The following PTPRO variants were observed in gnomAD, a reference collection of about 807,000 sequenced individuals.
PTPRO encodes the protein receptor-type tyrosine-protein phosphatase O.
In PTPRO, 62 loss-of-function variants were observed where a neutral mutation model predicts 145.2. That is an observed-to-expected ratio of 0.43 (90% CI 0.35 to 0.53). The LOEUF (loss-of-function observed/expected upper bound fraction) is 0.53. Among genes scored for constraint, PTPRO ranks in the 20% least tolerant of loss-of-function variants. The pLI is 0.01. For synonymous variants in PTPRO, 565 were observed against 514.7 expected (o/e 1.10, Z -1.32); for missense variants, 1,345 against 1,482.7 (o/e 0.91, Z 1.53).
At chr12:15,517,534 C>G (rs1942625359) in intron 9 of PTPRO, among the ~76,000 whole-genome samples, 1 of 152,158 alleles carries the variant, frequency 6.6e-6, no homozygotes, top group South Asian at 2.1e-4. Context: ...AGTGCACAGT[C>G]AAAAGTTTCA....
chr12:15,581,842 A>T, intron 23 of PTPRO, 41 bp downstream of exon 23: 1 of 1,612,568 alleles, frequency 6.2e-7, no homozygotes, highest in Non-Finnish European at 8.5e-7. Context: ...CCCTATGCTG[A>T]CACCTGCTGA....
intron 1 of PTPRO, among the ~76,000 whole-genome samples, chr12:15,445,365 C>T (rs147090056): frequency 6.6e-6 from 1 of 152,178 alleles, no homozygotes; most frequent in East Asian, 1.9e-4. Flanking sequence ...AATCTAGGGT[C>T]TGTTACTGAG....
At chr12:15,415,631 C>T (rs962779460) in intron 1 of PTPRO, among the ~76,000 whole-genome samples, 5 of 151,838 alleles carry the variant, frequency 3.3e-5, no homozygotes, top group Admixed American at 2.0e-4. Context: ...GTGATCCGCC[C>T]ACCCTGGCCT....
intron 7 of PTPRO, among the ~76,000 whole-genome samples, chr12:15,510,951 G>A (rs182962706): frequency 3.3e-4 from 45 of 136,954 alleles, no homozygotes; most frequent in African/African-American, 9.8e-4. Context: ...CAGATCACTT[G>A]AGCTCAGAAG....
intron 17 of PTPRO, among the ~76,000 whole-genome samples, chr12:15,564,617 C>A (rs1194448923): frequency 2.6e-5 from 4 of 152,114 alleles, no homozygotes; most frequent in Non-Finnish European, 5.9e-5. Flanking sequence ...TGGAGATATC[C>A]AAACATTCAT....
At chr12:15,453,104 A>G (rs560564932) in intron 1 of PTPRO, among the ~76,000 whole-genome samples, 3 of 152,142 alleles carry the variant, frequency 2.0e-5, no homozygotes, top group East Asian at 3.9e-4. Flanking sequence ...TGTTTTCTGT[A>G]TGCCTAGCAA....
Position 15,496,402 on chromosome 12 carries a change from A to G in PTPRO, c.350-843A>G, listed in dbSNP as rs1453412340. Among the ~76,000 whole-genome samples the G allele has an allele frequency of 4.3e-4, 66 of 151,812 alleles. 1 individual carries two copies. Among genetic ancestry groups the G allele is most frequent in the Admixed American group, 4.3e-3 (66 of 15,244 alleles). The stretch of plus-strand genomic sequence containing the variant: ...GGTGATCCACCCGCCTTGACCTTCC[A>G]CAATGCTGGAATTACAGGTGACCCC... On this transcript the variant is annotated intron_variant, in intron 2 of 26. Coordinates refer to ENST00000281171, the MANE Select transcript of PTPRO (RefSeq NM_030667.3).
At position 15,551,545 on chromosome 12, in the gene PTPRO, C is replaced by G. The variant is rs1943460274; in HGVS notation, c.2438-6C>G. 1.2e-6 allele frequency: 2 copies of G among 1,612,880 alleles called. No homozygotes were observed. Among genetic ancestry groups the G allele is most frequent in the Non-Finnish European group, 8.5e-7 (1 of 1,179,764 alleles). On this transcript the variant is annotated splice_region_variant and splice_polypyrimidine_tract_variant and intron_variant, in intron 14 of 26. Transcript: ENST00000281171. ...TATGATGAAAATGCACAACTTATCT[C>G]TTTAGTTACAGAGATGAATCCCAAT...
intron 2 of PTPRO, among the ~76,000 whole-genome samples, chr12:15,491,169 C>T (rs960861059): frequency 6.6e-6 from 1 of 152,132 alleles, no homozygotes; most frequent in Non-Finnish European, 1.5e-5. Flanking sequence ...GTCTCTTTTC[C>T]CTGTGCCTGC....
intron 15 of PTPRO, among the ~76,000 whole-genome samples, chr12:15,554,190 C>CA (rs1226270392): frequency 6.6e-5 from 10 of 152,020 alleles, no homozygotes; most frequent in South Asian, 2.1e-4. Context: ...AACAAATAAA[C>CA]AAAAAAAGAG....
At chr12:15,525,048 G>T (rs981622529) in intron 11 of PTPRO, 83 bp downstream of exon 11, 6 of 1,518,612 alleles carry the variant, frequency 4.0e-6, no homozygotes, top group Non-Finnish European at 5.4e-6. Flanking sequence ...ATCATTTATT[G>T]ACACGTCAAA....
At chr12:15,517,454 A>G (rs1268262344) in intron 9 of PTPRO, among the ~76,000 whole-genome samples, 4 of 152,176 alleles carry the variant, frequency 2.6e-5, no homozygotes, top group African/African-American at 9.7e-5. Flanking sequence ...CCCAAATCTC[A>G]TGTCCTCACA....
intron 1 of PTPRO, among the ~76,000 whole-genome samples, chr12:15,469,070 T>G (rs951407652): frequency 2.6e-5 from 4 of 152,238 alleles, no homozygotes; most frequent in African/African-American, 4.8e-5. Flanking sequence ...TTGTTAGCTA[T>G]CATCAGGATT....
intron 6 of PTPRO, among the ~76,000 whole-genome samples, chr12:15,508,367 A>T (rs1942366407): frequency 6.6e-6 from 1 of 152,182 alleles, no homozygotes; most frequent in African/African-American, 2.4e-5. Flanking sequence ...GTTATTGCCG[A>T]GGCTGCTGTT....
chr12:15,501,715 A>G lies in PTPRO; in HGVS notation c.757A>G (p.Met253Val). The G allele has an allele frequency of 6.2e-7, 1 of 1,613,982 alleles. No homozygotes were observed. The highest frequency in any genetic ancestry group is 8.5e-7 in the Non-Finnish European group (1 of 1,179,872). The change falls in exon 5 of 27, where the codon ATG (methionine) becomes GTG (valine). Residue 253 changes from methionine to valine, a missense_variant. By Grantham distance (21) the Met-to-Val change is conservative. Coordinates refer to ENST00000281171, the MANE Select transcript of PTPRO (RefSeq NM_030667.3). The stretch of plus-strand genomic sequence containing the variant: ...TGGCAATTTCCCAGAAGAATCCTTC[A>G]TGAGATCACAAGATACAATAGGAAA... ...QSGNFPEESF[M>V]RSQDTIGKEK... is the part of the protein sequence containing the mutation.
rs1866333045 is a variant in PTPRO at position 15,322,756 on chromosome 12, C to A, written c.30C>A (p.Gly10=). The change falls in exon 1 of 27, where the codon GGC becomes GGA. Residue 10 remains glycine, a synonymous_variant. Transcript: ENST00000281171. The surrounding 1 kb of genome is among the most constrained non-coding windows in gnomAD (Gnocchi z 6.3). ...GGCACCTGCCCACGGGGATACACGG[C>A]GCCCGCCGCCTCCTGCCTCTGCTCT... The part of the protein sequence containing the change: MGHLPTGIH[G]ARRLLPLLWL... 2 of 1,611,754 alleles carry A rather than the reference C, an allele frequency of 1.2e-6. No homozygotes were observed. The highest frequency in any genetic ancestry group is 1.7e-6 in the Non-Finnish European group (2 of 1,179,352).
At position 15,439,168 on chromosome 12, in the gene PTPRO, C is replaced by A. The variant is rs1041666239; in HGVS notation, c.76-44806C>A. Among the ~76,000 whole-genome samples the A allele has an allele frequency of 3.3e-5, 5 of 152,140 alleles. 1 individual carries two copies. The highest frequency in any genetic ancestry group is 4.1e-4 in the South Asian group (2 of 4,832). ...AATTCCAACCAAGAATTCTATATCTCAACAAAGGTTTATAAGTGAAAGATA... is the reference window on the plus strand; with the variant it reads ...AATTCCAACCAAGAATTCTATATCTAAACAAAGGTTTATAAGTGAAAGATA... On this transcript the variant is annotated intron_variant, in intron 1 of 26. Transcript: ENST00000281171.
At chr12:15,492,904 A>G (rs913085662) in intron 2 of PTPRO, among the ~76,000 whole-genome samples, 2 of 152,140 alleles carry the variant, frequency 1.3e-5, no homozygotes, top group Non-Finnish European at 2.9e-5. Context: ...ATTTGGAGAG[A>G]TGATTATGAG....
chr12:15,367,574 T>C (rs779938104), intron 1 of PTPRO, among the ~76,000 whole-genome samples: 2 of 152,202 alleles, frequency 1.3e-5, no homozygotes, highest in Non-Finnish European at 2.9e-5. Context: ...GATTCACATA[T>C]ACAACTGTAT....
Sources: gnomAD v4.1 joint callset for allele counts (sites outside exome capture counted in the v4.1 genomes callset) on GRCh38, gnomAD v4.1.1 for gene constraint, Gnocchi (gnomAD v3.1) non-coding constraint, MANE v1.5 for transcripts, NCBI Gene and HGNC (gene_info 2026-07-23, HGNC 2026-07-21) for gene names.